OPA3: variants seen among roughly 807,000 people sequenced by gnomAD.
The protein encoded by OPA3 is optic atrophy 3 protein.
A neutral mutation model predicts 4.0 loss-of-function variants in OPA3; 6 were observed. That is an observed-to-expected ratio of 1.51 (90% CI 0.83 to 2.99). The LOEUF (loss-of-function observed/expected upper bound fraction) is 2.99. OPA3 is among the 30% of genes most tolerant of loss of function. OPA3 has a pLI of 0.00. For synonymous variants in OPA3, 105 were observed against 117.1 expected (o/e 0.90, Z 0.67); for missense variants, 235 against 256.2 (o/e 0.92, Z 0.56).
intron 1 of OPA3, among the ~76,000 whole-genome samples, chr19:45,533,560 C>T (rs1202997314): frequency 1.3e-5 from 2 of 152,188 alleles, no homozygotes; most frequent in African/African-American, 4.8e-5. Flanking sequence ...TTTCCTTTTA[C>T]CCTATACCTT....
At chr19:45,582,116 CA>C (rs1969864248) in intron 1 of OPA3, among the ~76,000 whole-genome samples, 1 of 151,684 alleles carries the variant, frequency 6.6e-6, no homozygotes, top group African/African-American at 2.4e-5. Flanking sequence ...TACCATTACT[CA>C]AATCAGTCTC....
Position 45,561,539 on chromosome 19 carries a change from CT to C in OPA3, c.143-7629del, listed in dbSNP as rs1214954122. On this transcript the variant is annotated intron_variant, in intron 1 of 1. Coordinates refer to ENST00000263275, the MANE Select transcript of OPA3 (RefSeq NM_025136.4). Reference sequence around the variant, plus strand: ...ACGGCCATGACGAACATGCTGGCTACTGAGAGGCTAAATCCCGTGGAACCGG... The same window carrying C: ...ACGGCCATGACGAACATGCTGGCTACGAGAGGCTAAATCCCGTGGAACCGG... Among the ~76,000 whole-genome samples, 3 of 152,180 alleles carry C rather than the reference CT, an allele frequency of 2.0e-5. No individual in the cohort carries two copies. The East Asian group carries it at 5.8e-4, about 29-fold the overall frequency.
At chr19:45,555,724 C>T (rs1347774595) in intron 1 of OPA3, among the ~76,000 whole-genome samples, 2 of 152,132 alleles carry the variant, frequency 1.3e-5, no homozygotes, top group Admixed American at 1.3e-4. Flanking sequence ...ATCTCCTGAC[C>T]TCGTGATCCA....
chr19:45,529,574 C>G, intron 1 of OPA3: 9 of 1,306,776 alleles, frequency 6.9e-6, no homozygotes, highest in Non-Finnish European at 9.8e-6. Context: ...CAATCGGACG[C>G]GTGCTGGCGG....
At position 45,548,515 on chromosome 19, in the gene OPA3, G is replaced by A. The variant is rs1490199336; in HGVS notation, c.*4999C>T. 2.0e-6 allele frequency: 2 copies of A among 985,366 alleles called. No homozygotes were observed. The highest frequency in any genetic ancestry group is 2.4e-6 in the Non-Finnish European group (2 of 829,970). 61.0% of individuals were successfully genotyped at this position (985,366 alleles called of 1,614,324 possible). On this transcript the variant is annotated 3_prime_UTR_variant, in exon 2 of 2. Coordinates refer to ENST00000263275, the MANE Select transcript of OPA3 (RefSeq NM_025136.4). ...TCCTAAACAACTATGGGGTGGGGCA[G>A]GGAACACTGGAAAAGAAATGTACGT...
chr19:45,584,202 A>C (rs1022190253), intron 1 of OPA3: 11 of 276,414 alleles, frequency 4.0e-5, no homozygotes, highest in African/African-American at 2.5e-4. Flanking sequence ...ATCAGTGGGG[A>C]AACTGAGGCA....
intron 1 of OPA3, among the ~76,000 whole-genome samples, chr19:45,582,468 GT>G (rs1179234526): frequency 6.6e-6 from 1 of 151,836 alleles, no homozygotes; most frequent in African/African-American, 2.4e-5. Context: ...CTGGAGCAGA[GT>G]TTTTTTGTTT....
At position 45,553,334 on chromosome 19, in the gene OPA3, T is replaced by C; in HGVS notation, c.*180A>G. On this transcript the variant is annotated 3_prime_UTR_variant, in exon 2 of 2. Transcript: ENST00000263275. ...GATGGAGGGGGCTATGTTGCAACGCTTCACCTGCTGGTCCCAGTGGCAGGT... is the reference window on the plus strand; with the variant it reads ...GATGGAGGGGGCTATGTTGCAACGCCTCACCTGCTGGTCCCAGTGGCAGGT... 2.0e-6 allele frequency: 3 copies of C among 1,485,160 alleles called. No individual in the cohort carries two copies. The highest frequency in any genetic ancestry group is 2.7e-6 in the Non-Finnish European group (3 of 1,120,732). 92.0% of individuals were successfully genotyped at this position (1,485,160 alleles called of 1,614,324 possible). A position where few individuals can be genotyped will look rare whatever the true frequency, so the allele number is the denominator to read the frequency against.
At chr19:45,570,068 T>C (rs1030246310) in intron 1 of OPA3, among the ~76,000 whole-genome samples, 1 of 152,120 alleles carries the variant, frequency 6.6e-6, no homozygotes, top group Non-Finnish European at 1.5e-5. Flanking sequence ...GCAGGCGCCA[T>C]CCCCAGGCTG....
At chr19:45,545,687 A>G (rs1005866727), downstream of OPA3, among the ~76,000 whole-genome samples, 2 of 151,226 alleles carry the variant, frequency 1.3e-5, no homozygotes, top group Non-Finnish European at 2.9e-5. Context: ...TGTATAATAC[A>G]TACATCATAT....
chr19:45,577,248 AGC>A (rs889674784), intron 1 of OPA3, among the ~76,000 whole-genome samples: 1 of 152,214 alleles, frequency 6.6e-6, no homozygotes, highest in Non-Finnish European at 1.5e-5. Context: ...CTACTGCTCC[AGC>A]CTCTCCTGTG....
rs752240099 is a variant in OPA3 at position 45,553,526 on chromosome 19, C to T, written c.528G>A (p.Ala176=). The change falls in exon 2 of 2, where the codon GCG becomes GCA. Residue 176 remains alanine, a synonymous_variant. Coordinates refer to ENST00000263275, the MANE Select transcript of OPA3 (RefSeq NM_025136.4). The part of the protein sequence containing the change: ...PGRSASHAVP[A]SKK ...ATCCAGCAAGCTCCTATTTCTTGGACGCAGGCACTGCGTGGGAAGCGGACC... is the reference window on the plus strand; with the variant it reads ...ATCCAGCAAGCTCCTATTTCTTGGATGCAGGCACTGCGTGGGAAGCGGACC... The T allele has an allele frequency of 2.4e-5, 38 of 1,613,180 alleles. No homozygotes were observed. Among genetic ancestry groups the T allele is most frequent in the Non-Finnish European group, 2.5e-5 (29 of 1,180,016 alleles).
chr19:45,566,717 G>A lies in OPA3; in HGVS notation c.143-12806C>T, dbSNP rs376163653. Among the ~76,000 whole-genome samples, 50 of 151,600 alleles carry A rather than the reference G, an allele frequency of 3.3e-4. 1 individual carries two copies. Among genetic ancestry groups the A allele is most frequent in the Non-Finnish European group, 5.0e-4 (34 of 67,886 alleles). On this transcript the variant is annotated intron_variant, in intron 1 of 1. Coordinates refer to ENST00000263275, the MANE Select transcript of OPA3 (RefSeq NM_025136.4). ...TCTCAATCTCCTGACCTTGTGATCC[G>A]CCCGCCTTAGCCTCCCAAAGTGCTG...
At chr19:45,561,570 C>T (rs549181553) in intron 1 of OPA3, among the ~76,000 whole-genome samples, 4 of 152,198 alleles carry the variant, frequency 2.6e-5, no homozygotes, top group South Asian at 2.1e-4. Flanking sequence ...AACCGGTAAC[C>T]GGAACTGTAT....
chr19:45,529,512 C>T (rs1969035731), intron 1 of OPA3: 3 of 1,600,342 alleles, frequency 1.9e-6, no homozygotes, highest in Admixed American at 1.7e-5. Context: ...CTATAAGCCC[C>T]GACCCTCTGT....
chr19:45,548,503 T>C lies in OPA3; in HGVS notation c.*5011A>G, dbSNP rs1969283814. On this transcript the variant is annotated 3_prime_UTR_variant, in exon 2 of 2. Coordinates refer to ENST00000263275, the MANE Select transcript of OPA3 (RefSeq NM_025136.4). Reference sequence around the variant, plus strand: ...CCAGCCCCTGCTTCCTAAACAACTATGGGGTGGGGCAGGGAACACTGGAAA... The same window carrying C: ...CCAGCCCCTGCTTCCTAAACAACTACGGGGTGGGGCAGGGAACACTGGAAA... 1.0e-6 allele frequency: 1 copy of C among 985,164 alleles called. No individual in the cohort carries two copies. Among genetic ancestry groups the C allele is most frequent in the East Asian group, 1.1e-4 (1 of 8,810 alleles). The allele number at this position is 985,164 out of a possible 1,614,324, so 61.0% of individuals were successfully genotyped here.
At chr19:45,528,963 C>T in exon 2 of OPA3, 2 of 1,440,958 alleles carry the variant, frequency 1.4e-6, no homozygotes, top group Non-Finnish European at 1.9e-6. Flanking sequence ...TCAGCTGGGC[C>T]GGTCCAGGAT....
chr19:45,530,990 A>ACGTTGGT (rs1013476553), intron 1 of OPA3, among the ~76,000 whole-genome samples: 10 of 113,636 alleles, frequency 8.8e-5, no homozygotes, highest in African/African-American at 3.5e-4. Flanking sequence ...GGGTTTCACT[A>ACGTTGGT]CGTTGGTCAG....
chr19:45,563,055 C>T (rs1969528382), intron 1 of OPA3, among the ~76,000 whole-genome samples: 1 of 152,214 alleles, frequency 6.6e-6, no homozygotes, highest in African/African-American at 2.4e-5. Context: ...CTTGCACACC[C>T]TGGAGTCAGT....
Sources: gnomAD v4.1 joint callset for allele counts (sites outside exome capture counted in the v4.1 genomes callset) on GRCh38, gnomAD v4.1.1 for gene constraint, MANE v1.5 for transcripts, NCBI Gene and HGNC (gene_info 2026-07-23, HGNC 2026-07-21) for gene names.